Variants in PTPRG observed in about 807,000 individuals in gnomAD.
The protein encoded by PTPRG is receptor-type tyrosine-protein phosphatase gamma.
PTPRG carries 102 observed loss-of-function variants against 165.3 expected under a neutral mutation model. The ratio of observed to expected loss-of-function variants is 0.62; its 90% CI spans 0.53 to 0.73. The LOEUF (loss-of-function observed/expected upper bound fraction) is 0.73. PTPRG is among the 30% of genes least tolerant of loss of function. The pLI is 0.00. For missense variants in PTPRG, 1,866 were observed against 1,861.4 expected (o/e 1.00, Z -0.05); for synonymous variants, 675 against 669.5 (o/e 1.01, Z -0.13).
intron 2 of PTPRG, chr3:61,749,282 TCTGTTTTTTCAGGGG>T (rs1330133873): frequency 2.1e-5 from 9 of 421,862 alleles, no homozygotes; most frequent in Non-Finnish European, 3.5e-5. Context: ...TCTTGTCTTT[TCTGTTTTTTCAGGGG>T]CTGTGATTTC....
chr3:62,285,018 A>G (rs917471078), intron 28 of PTPRG, among the ~76,000 whole-genome samples: 1 of 152,106 alleles, frequency 6.6e-6, no homozygotes, highest in Non-Finnish European at 1.5e-5. Flanking sequence ...AGAGGTGCTA[A>G]GCAAAATCAT....
intron 28 of PTPRG, among the ~76,000 whole-genome samples, chr3:62,289,962 T>A (rs1262190139): frequency 5.3e-5 from 8 of 152,096 alleles, no homozygotes; most frequent in African/African-American, 1.9e-4. Context: ...CAGATAAAGA[T>A]GTGGTCAACT....
chr3:61,811,107 A>G (rs892935697), intron 2 of PTPRG, among the ~76,000 whole-genome samples: 4 of 152,112 alleles, frequency 2.6e-5, no homozygotes, highest in Admixed American at 6.5e-5. Context: ...GTGCCTCCCA[A>G]TTAGGCCTGC....
At chr3:61,953,304 T>A (rs769419735) in intron 2 of PTPRG, among the ~76,000 whole-genome samples, 2 of 152,126 alleles carry the variant, frequency 1.3e-5, no homozygotes. Context: ...GAAGAATTGC[T>A]TGAAAGGGGC....
intron 2 of PTPRG, among the ~76,000 whole-genome samples, chr3:61,774,784 A>G (rs1379028125): frequency 6.6e-6 from 1 of 152,206 alleles, no homozygotes; most frequent in Non-Finnish European, 1.5e-5. Flanking sequence ...ACATATGGCT[A>G]TTGAGCAGCT....
chr3:62,016,444 G>C lies in PTPRG; in HGVS notation c.519+12947G>C, dbSNP rs141334805. On this transcript the variant is annotated intron_variant, in intron 4 of 29. Coordinates refer to ENST00000474889, the MANE Select transcript of PTPRG (RefSeq NM_002841.4). ...GCCTCCCAAAGTGCCGGGATTACAG[G>C]TGTGAGCCACCGCGCCCGGCCTGTA... Among the ~76,000 whole-genome samples the C allele has an allele frequency of 5.5e-4, 84 of 152,238 alleles. No homozygotes were observed. The East Asian group carries it at 0.012, about 22-fold the overall frequency.
chr3:62,033,203 T>C (rs1559757803), intron 4 of PTPRG, among the ~76,000 whole-genome samples: 1 of 152,120 alleles, frequency 6.6e-6, no homozygotes, highest in African/African-American at 2.4e-5. Flanking sequence ...TCAGGACCTA[T>C]GAACCTACTT....
At chr3:61,699,114 T>C (rs2106695229) in intron 1 of PTPRG, among the ~76,000 whole-genome samples, 1 of 152,246 alleles carries the variant, frequency 6.6e-6, no homozygotes. Flanking sequence ...GGCACATGTA[T>C]ACATATGTAA....
chr3:61,888,155 A>G (rs572466076), intron 2 of PTPRG, among the ~76,000 whole-genome samples: 2 of 152,170 alleles, frequency 1.3e-5, no homozygotes, highest in East Asian at 3.9e-4. Context: ...AAGTACAAAA[A>G]CCGTCTGTAT....
At chr3:62,270,791 A>C (rs769835532) in intron 20 of PTPRG, among the ~76,000 whole-genome samples, 33 of 152,204 alleles carry the variant, frequency 2.2e-4, no homozygotes, top group Non-Finnish European at 4.4e-4. Flanking sequence ...ATTTCATCTA[A>C]AGTAGTTAAA....
chr3:61,827,907 T>C (rs991917396), intron 2 of PTPRG, among the ~76,000 whole-genome samples: 7 of 152,202 alleles, frequency 4.6e-5, no homozygotes, highest in Non-Finnish European at 1.0e-4. Flanking sequence ...GTGCATTAGC[T>C]CATATATACT....
At chr3:61,596,371 A>G (rs1216279804) in intron 1 of PTPRG, among the ~76,000 whole-genome samples, 1 of 152,192 alleles carries the variant, frequency 6.6e-6, no homozygotes, top group Non-Finnish European at 1.5e-5. Context: ...AAACAACAGG[A>G]ATTTTTGCAA....
rs1000277291 is a variant in PTPRG, at chr3:62,254,728, TA to T, written c.2468-387del. Among the ~76,000 whole-genome samples the T allele has an allele frequency of 6.0e-5, 9 of 150,752 alleles. No homozygotes were observed. Among genetic ancestry groups the T allele is most frequent in the Admixed American group, 2.0e-4 (3 of 15,116 alleles). On this transcript the variant is annotated intron_variant, in intron 15 of 29. Transcript: ENST00000474889. This position sits in a 1 kb window ranked among gnomAD's most constrained non-coding sequence, Gnocchi z 4.6. ...AAGCTGGACTCCATTGAACAGCAAT[TA>T]AAAAAAAACAACAACAACAACAACA...
At chr3:61,852,385 A>G (rs1324229529) in intron 2 of PTPRG, among the ~76,000 whole-genome samples, 1 of 152,234 alleles carries the variant, frequency 6.6e-6, no homozygotes, top group Non-Finnish European at 1.5e-5. Context: ...AGTGATTATA[A>G]GGTGGGTCCA....
At chr3:61,953,745 A>C (rs1260903528) in intron 2 of PTPRG, among the ~76,000 whole-genome samples, 1 of 151,488 alleles carries the variant, frequency 6.6e-6, no homozygotes. Context: ...CGTCAGTCAT[A>C]CTAAACTACA....
chr3:62,041,567 A>T (rs951992669), intron 4 of PTPRG, among the ~76,000 whole-genome samples: 2 of 152,004 alleles, frequency 1.3e-5, no homozygotes, highest in African/African-American at 4.8e-5. Context: ...TGAATTTTAG[A>T]TTTCTCCCAT....
At position 61,626,023 on chromosome 3, in the gene PTPRG, T is replaced by TG. The variant is rs34165198; in HGVS notation, c.85+63658dup. ...ACAGGGTTTGTTTGTTTTTTTTTTTTGGGGGGGCGGGAGAGATCACTTTTA... is the reference window on the plus strand; with the variant it reads ...ACAGGGTTTGTTTGTTTTTTTTTTTTGGGGGGGGCGGGAGAGATCACTTTTA... On this transcript the variant is annotated intron_variant, in intron 1 of 29. Coordinates refer to ENST00000474889, the MANE Select transcript of PTPRG (RefSeq NM_002841.4). Among the ~76,000 whole-genome samples the TG allele has an allele frequency of 6.3e-3, 690 of 109,792 alleles. 4 individuals carry two copies. Among genetic ancestry groups the TG allele is most frequent in the African/African-American group, 0.025 (560 of 22,532 alleles). 72.0% of individuals were successfully genotyped at this position (109,792 alleles called of 152,430 possible).
intron 6 of PTPRG, among the ~76,000 whole-genome samples, chr3:62,134,949 G>A (rs551468368): frequency 2.0e-5 from 3 of 152,294 alleles, no homozygotes; most frequent in African/African-American, 7.2e-5. Context: ...AAAGGGAATG[G>A]AGGACATTAG....
intron 4 of PTPRG, among the ~76,000 whole-genome samples, chr3:62,021,701 T>C (rs914690948): frequency 6.6e-6 from 1 of 152,182 alleles, no homozygotes; most frequent in Non-Finnish European, 1.5e-5. Flanking sequence ...ATTCATTTGA[T>C]ATTATGTGAT....
Sources: gnomAD v4.1 joint callset for allele counts (sites outside exome capture counted in the v4.1 genomes callset) on GRCh38, gnomAD v4.1.1 for gene constraint, Gnocchi (gnomAD v3.1) non-coding constraint, MANE v1.5 for transcripts, NCBI Gene and HGNC (gene_info 2026-07-23, HGNC 2026-07-21) for gene names.